Variants in NELL1 observed in about 807,000 individuals in gnomAD.
The protein encoded by NELL1 is protein kinase C-binding protein NELL1.
NELL1 carries 76 observed loss-of-function variants against 107.4 expected under a neutral mutation model. The observed-to-expected ratio is 0.71, with a 90% CI of 0.59 to 0.86. The LOEUF (loss-of-function observed/expected upper bound fraction) is 0.86, where lower values mean the gene tolerates loss of function less well. Ranked by LOEUF, NELL1 falls within the 40% of genes least tolerant of loss-of-function variation. The pLI, the probability that NELL1 is intolerant of heterozygous loss-of-function variation, is 0.00. For synonymous variants in NELL1, 353 were observed against 341.2 expected (o/e 1.03, Z -0.38); for missense variants, 1,024 against 1,005.5 (o/e 1.02, Z -0.25).
chr11:20,836,369 C>T (rs1051989494), intron 3 of NELL1, among the ~76,000 whole-genome samples: 2 of 151,750 alleles, frequency 1.3e-5, no homozygotes, highest in African/African-American at 4.8e-5. Context: ...TGTAGTGCGG[C>T]CCCTTTGGAA....
At chr11:20,769,069 AAAGACT>A in intron 2 of NELL1, among the ~76,000 whole-genome samples, 1 of 152,268 alleles carries the variant, frequency 6.6e-6, no homozygotes, top group Non-Finnish European at 1.5e-5. Flanking sequence ...AGAAAACGAC[AAAGACT>A]AAGAGGAAAG....
intron 3 of NELL1, among the ~76,000 whole-genome samples, chr11:20,806,282 GTGTT>G (rs1432384683): frequency 7.5e-6 from 1 of 132,624 alleles, no homozygotes; most frequent in African/African-American, 2.6e-5. Context: ...GTGTGTGTGT[GTGTT>G]TGTGTTTGTG....
intron 3 of NELL1, among the ~76,000 whole-genome samples, chr11:20,812,213 A>G (rs1038363245): frequency 6.6e-6 from 1 of 151,816 alleles, no homozygotes; most frequent in African/African-American, 2.4e-5. Context: ...TTTTTCCTCC[A>G]TTCTGCTCAT....
At chr11:21,326,513 A>G (rs1223436871) in intron 14 of NELL1, among the ~76,000 whole-genome samples, 2 of 152,100 alleles carry the variant, frequency 1.3e-5, no homozygotes, top group East Asian at 3.9e-4. Context: ...AAAAATTTTA[A>G]TAGTTAATTT....
At chr11:20,895,661 A>G (rs1849720575) in intron 5 of NELL1, among the ~76,000 whole-genome samples, 1 of 151,900 alleles carries the variant, frequency 6.6e-6, no homozygotes, top group Admixed American at 6.6e-5. Flanking sequence ...GTGTGCCACC[A>G]TGCCCGGCTA....
chr11:21,026,114 T>C (rs1852808492), intron 12 of NELL1, among the ~76,000 whole-genome samples: 1 of 152,186 alleles, frequency 6.6e-6, no homozygotes. Context: ...TCTCTGTTTC[T>C]GCCCAATCTC....
intron 16 of NELL1, among the ~76,000 whole-genome samples, chr11:21,536,876 G>A (rs957977479): frequency 6.6e-6 from 1 of 152,086 alleles, no homozygotes; most frequent in Non-Finnish European, 1.5e-5. Flanking sequence ...AAATGTCTCT[G>A]GCACCTGTCC....
chr11:21,530,615 T>C (rs1201049983), intron 15 of NELL1, among the ~76,000 whole-genome samples: 1 of 152,108 alleles, frequency 6.6e-6, no homozygotes, highest in African/African-American at 2.4e-5. Flanking sequence ...TTAAAATTAC[T>C]CCTAATAACA....
At chr11:20,699,234 A>C (rs532157750) in intron 2 of NELL1, among the ~76,000 whole-genome samples, 322 of 152,110 alleles carry the variant, frequency 2.1e-3, no homozygotes, top group African/African-American at 6.9e-3. Context: ...AACAAAAAAA[A>C]CAAAACAAAC....
At chr11:21,417,891 C>T (rs1356369148) in intron 15 of NELL1, among the ~76,000 whole-genome samples, 1 of 152,010 alleles carries the variant, frequency 6.6e-6, no homozygotes, top group Non-Finnish European at 1.5e-5. Flanking sequence ...ACAAGTCTAT[C>T]TTCTCCAAAT....
At chr11:21,568,604 C>T (rs1857025951) in intron 17 of NELL1, among the ~76,000 whole-genome samples, 2 of 151,694 alleles carry the variant, frequency 1.3e-5, no homozygotes, top group South Asian at 4.1e-4. Context: ...TCTTTATATT[C>T]TTATTCTATA....
At chr11:21,402,881 C>A (rs559377348) in intron 15 of NELL1, among the ~76,000 whole-genome samples, 1 of 151,690 alleles carries the variant, frequency 6.6e-6, no homozygotes, top group Non-Finnish European at 1.5e-5. Context: ...TGAAACAGAG[C>A]TGAATATTGC....
At chr11:21,495,892 T>A (rs1282438698) in intron 15 of NELL1, among the ~76,000 whole-genome samples, 1 of 152,062 alleles carries the variant, frequency 6.6e-6, no homozygotes, top group Non-Finnish European at 1.5e-5. Context: ...TATTAATATT[T>A]TATTTAGAAT....
chr11:21,169,298 G>C (rs977267290), intron 13 of NELL1, among the ~76,000 whole-genome samples: 1 of 151,804 alleles, frequency 6.6e-6, no homozygotes, highest in African/African-American at 2.4e-5. Context: ...TAAGGGAGAA[G>C]TATTTCCCAT....
chr11:21,047,436 G>T (rs909377038), intron 12 of NELL1, among the ~76,000 whole-genome samples: 1 of 152,000 alleles, frequency 6.6e-6, no homozygotes, highest in African/African-American at 2.4e-5. Context: ...GAACCTAATG[G>T]CTATTAATAA....
chr11:21,167,519 C>G (rs540310488), intron 13 of NELL1, among the ~76,000 whole-genome samples: 4 of 151,818 alleles, frequency 2.6e-5, no homozygotes, highest in Non-Finnish European at 4.4e-5. Context: ...AAATAGGGAA[C>G]TTTTCCTGCC....
At chr11:21,431,282 C>A (rs1479183030) in intron 15 of NELL1, among the ~76,000 whole-genome samples, 1 of 152,140 alleles carries the variant, frequency 6.6e-6, no homozygotes, top group Non-Finnish European at 1.5e-5. Context: ...ATCTGCAAGA[C>A]CTTTCCTTTA....
intron 12 of NELL1, among the ~76,000 whole-genome samples, chr11:21,104,187 C>T (rs1854891263): frequency 6.6e-6 from 1 of 152,146 alleles, no homozygotes. Context: ...AGAGTTCACA[C>T]CCTGACAGAT....
intron 12 of NELL1, among the ~76,000 whole-genome samples, chr11:21,089,847 T>A (rs1462101060): frequency 6.6e-6 from 1 of 152,192 alleles, no homozygotes; most frequent in Non-Finnish European, 1.5e-5. Flanking sequence ...GAGGAAGGAT[T>A]GTTCAATCTT....
Sources: allele counts gnomAD v4.1 joint callset (sites outside exome capture counted in the v4.1 genomes callset), GRCh38; gene constraint gnomAD v4.1.1; transcripts MANE v1.5; gene names NCBI Gene and HGNC (gene_info 2026-07-23, HGNC 2026-07-21).